GATB: variants seen among roughly 807,000 people sequenced by gnomAD.
GATB encodes glutamyl-tRNA amidotransferase subunit B, also known as glutamyl-tRNA(Gln) amidotransferase subunit B, mitochondrial.
A neutral mutation model predicts 62.3 loss-of-function variants in GATB; 39 were observed. That is an observed-to-expected ratio of 0.63 (90% CI 0.48 to 0.82). GATB has a LOEUF of 0.82. GATB is among the 40% of genes least tolerant of loss of function. The probability of loss-of-function intolerance (pLI) is 0.00; values close to 1 mark genes in which losing one functional copy is unlikely to be tolerated. For missense variants in GATB, 670 were observed against 684.0 expected (o/e 0.98, Z 0.23); for synonymous variants, 276 against 258.9 (o/e 1.07, Z -0.63).
chr4:151,742,090 GTT>G (rs5862970), intron 2 of GATB, among the ~76,000 whole-genome samples: 5 of 136,316 alleles, frequency 3.7e-5, no homozygotes, highest in Admixed American at 1.5e-4. Flanking sequence ...GAGGGATATG[GTT>G]TTTTTTTTTT....
At chr4:151,712,562 A>G (rs1364566019) in intron 5 of GATB, among the ~76,000 whole-genome samples, 2 of 152,200 alleles carry the variant, frequency 1.3e-5, no homozygotes, top group African/African-American at 2.4e-5. Flanking sequence ...GTTTCTGCAA[A>G]CAGCAGGGGC....
intron 10 of GATB, among the ~76,000 whole-genome samples, chr4:151,680,798 C>T (rs1738123377): frequency 1.3e-5 from 2 of 152,068 alleles, no homozygotes; most frequent in African/African-American, 2.4e-5. Flanking sequence ...ATCCCTAATC[C>T]GAAAGTCTGA....
At chr4:151,741,813 G>T (rs1333958870) in intron 2 of GATB, among the ~76,000 whole-genome samples, 1 of 152,230 alleles carries the variant, frequency 6.6e-6, no homozygotes, top group Non-Finnish European at 1.5e-5. Flanking sequence ...GGAGGAGTGA[G>T]ATGGCATCAT....
At chr4:151,753,905 C>G (rs1739769947) in intron 2 of GATB, among the ~76,000 whole-genome samples, 1 of 152,152 alleles carries the variant, frequency 6.6e-6, no homozygotes, top group Admixed American at 6.5e-5. Context: ...TGCCCACACT[C>G]ACTTCTTCCT....
At chr4:151,721,239 A>C (rs1739026238) in intron 2 of GATB, 1 of 152,304 alleles carries the variant, frequency 6.6e-6, no homozygotes, top group African/African-American at 2.4e-5. Context: ...CTCCATCTCA[A>C]AAAAAAGGAA....
chr4:151,715,851 C>T (rs377634370), intron 5 of GATB, among the ~76,000 whole-genome samples, 158 bp downstream of exon 5: 27 of 151,702 alleles, frequency 1.8e-4, no homozygotes, highest in African/African-American at 6.5e-4. Context: ...AACAAACAAA[C>T]AAACAACAAC....
At chr4:151,731,803 C>T (rs1417182907) in intron 2 of GATB, among the ~76,000 whole-genome samples, 38 of 149,052 alleles carry the variant, frequency 2.5e-4, no homozygotes, top group Admixed American at 1.6e-3. Flanking sequence ...TCTGCCCGGC[C>T]GCCCCGTCTG....
intron 2 of GATB, among the ~76,000 whole-genome samples, chr4:151,753,667 T>A (rs561777634): frequency 5.8e-4 from 89 of 152,182 alleles, no homozygotes; most frequent in African/African-American, 2.0e-3. Flanking sequence ...TCAGCATTTT[T>A]AAAAAATTTT....
At chr4:151,734,826 C>T (rs568778855) in intron 2 of GATB, among the ~76,000 whole-genome samples, 9 of 151,890 alleles carry the variant, frequency 5.9e-5, no homozygotes, top group African/African-American at 9.7e-5. Flanking sequence ...AAACATAAAG[C>T]GGGGAAAGGA....
At chr4:151,713,934 C>T (rs553483972) in intron 5 of GATB, among the ~76,000 whole-genome samples, 1 of 152,342 alleles carries the variant, frequency 6.6e-6, no homozygotes, top group Non-Finnish European at 1.5e-5. Flanking sequence ...GCAAACACTA[C>T]CACCTACTTC....
intron 11 of GATB, chr4:151,677,792 A>C (rs933965910): frequency 6.6e-6 from 1 of 152,228 alleles, no homozygotes; most frequent in African/African-American, 2.4e-5. Flanking sequence ...AATAAAAATA[A>C]ATAAATAATA....
chr4:151,693,198 A>T (rs1306095029), intron 9 of GATB, among the ~76,000 whole-genome samples: 2 of 152,132 alleles, frequency 1.3e-5, no homozygotes, highest in African/African-American at 4.8e-5. Flanking sequence ...TGGCCCTGAA[A>T]ATAACACCAA....
intron 6 of GATB, among the ~76,000 whole-genome samples, chr4:151,706,629 C>A (rs994430761): frequency 6.6e-6 from 1 of 151,600 alleles, no homozygotes; most frequent in African/African-American, 2.4e-5. Flanking sequence ...ATAAGCTATC[C>A]GTTTGACCAC....
intron 2 of GATB, among the ~76,000 whole-genome samples, chr4:151,746,858 C>CATTT (rs908347419): frequency 2.6e-5 from 4 of 152,108 alleles, no homozygotes; most frequent in African/African-American, 9.7e-5. Context: ...TACACACATA[C>CATTT]ATTTATATAT....
intron 2 of GATB, among the ~76,000 whole-genome samples, chr4:151,743,328 A>G (rs1397268882): frequency 6.6e-6 from 1 of 152,174 alleles, no homozygotes; most frequent in Non-Finnish European, 1.5e-5. Flanking sequence ...CTGACTCAAC[A>G]TTCTTGTCTT....
At chr4:151,735,120 G>C (rs779043609) in intron 2 of GATB, among the ~76,000 whole-genome samples, 2 of 149,704 alleles carry the variant, frequency 1.3e-5, no homozygotes, top group African/African-American at 2.5e-5. Flanking sequence ...CACAGCAAAA[G>C]AACAGTCAGC....
chr4:151,701,944 T>C (rs1282349265), intron 8 of GATB, among the ~76,000 whole-genome samples: 1 of 152,242 alleles, frequency 6.6e-6, no homozygotes, highest in Non-Finnish European at 1.5e-5. Flanking sequence ...CTACTACAGA[T>C]AGGCCATGTG....
chr4:151,693,886 G>C (rs1459695072), intron 9 of GATB, among the ~76,000 whole-genome samples: 2 of 152,188 alleles, frequency 1.3e-5, no homozygotes, highest in East Asian at 3.8e-4. Flanking sequence ...AACTCCAGGG[G>C]AGATGCTGAA....
At chr4:151,671,643 G>T (rs887182174) in intron 12 of GATB, among the ~76,000 whole-genome samples, 3 of 152,142 alleles carry the variant, frequency 2.0e-5, no homozygotes, top group Non-Finnish European at 4.4e-5. Context: ...TCTCTGAGAT[G>T]ATGAATCACT....
Sources: gnomAD v4.1 joint callset for allele counts (sites outside exome capture counted in the v4.1 genomes callset) on GRCh38, gnomAD v4.1.1 for gene constraint, MANE v1.5 for transcripts, NCBI Gene and HGNC (gene_info 2026-07-23, HGNC 2026-07-21) for gene names.